The following ACSM2A variants were observed in gnomAD, a reference collection of about 807,000 sequenced individuals.
ACSM2A encodes acyl-CoA synthetase medium chain family member 2A, also known as acyl-coenzyme A synthetase ACSM2A, mitochondrial.
ACSM2A carries 72 observed loss-of-function variants against 76.6 expected under a neutral mutation model. That is an observed-to-expected ratio of 0.94 (90% CI 0.78 to 1.14). The LOEUF is 1.14. ACSM2A is among the 50% of genes most tolerant of loss of function. The probability of loss-of-function intolerance (pLI) is 0.00; values close to 1 mark genes in which losing one functional copy is unlikely to be tolerated. For synonymous variants in ACSM2A, 249 were observed against 255.9 expected (o/e 0.97, Z 0.26); for missense variants, 684 against 708.5 (o/e 0.97, Z 0.39).
chr16:20,471,572 C>G lies in ACSM2A; in HGVS notation c.777C>G (p.Thr259=). Residue 259 remains threonine, a synonymous_variant, in exon 6 of 14, where the codon ACC becomes ACG. Transcript: ENST00000573854. Reference sequence around the variant, plus strand: ...TGCAAGCCTCTGATATAATGTGGACCATATCAGACACAGGTTGGATACTGA... The same window carrying G: ...TGCAAGCCTCTGATATAATGTGGACGATATCAGACACAGGTTGGATACTGA... ...TGLQASDIMW[T]ISDTGWILNI... 6.2e-7 allele frequency: 1 copy of G among 1,613,896 alleles called. No individual in the cohort carries two copies. Among genetic ancestry groups the G allele is most frequent in the Non-Finnish European group, 8.5e-7 (1 of 1,179,890 alleles).
At chr16:20,463,804 A>G (rs888579698) in intron 2 of ACSM2A, among the ~76,000 whole-genome samples, 12 of 152,204 alleles carry the variant, frequency 7.9e-5, no homozygotes, top group African/African-American at 2.9e-4. Context: ...TTCACTTGGC[A>G]TGTCTTCAAG....
At chr16:20,471,819 T>C in intron 6 of ACSM2A, 130 bp downstream of exon 6, 1 of 1,468,098 alleles carries the variant, frequency 6.8e-7, no homozygotes, top group Non-Finnish European at 9.1e-7. Context: ...CAGTGTTCAG[T>C]AAACGAGATG....
chr16:20,470,331 G>T (rs186179918), intron 4 of ACSM2A, among the ~76,000 whole-genome samples: 3 of 152,286 alleles, frequency 2.0e-5, no homozygotes, highest in East Asian at 1.9e-4. Context: ...CTCTAAGAGA[G>T]GCTGATCAAG....
chr16:20,482,467 G>A (rs561756466), intron 12 of ACSM2A: 1 of 152,306 alleles, frequency 6.6e-6, no homozygotes, highest in Non-Finnish European at 1.5e-5. Flanking sequence ...ATTAAGGTGG[G>A]ATGTGTGGAT....
At position 20,457,666 on chromosome 16, in the gene ACSM2A, T is replaced by C. The variant is rs191590932; in HGVS notation, c.-8-2441T>C. Among the ~76,000 whole-genome samples the C allele has an allele frequency of 8.9e-4, 135 of 152,136 alleles. 1 individual carries two copies. The highest frequency in any genetic ancestry group is 6.8e-3 in the Middle Eastern group (2 of 294). ...AAATCAGCATACCATGGATATACCT[T>C]AATGTAATAAAAGCCATCTATGATA... On this transcript the variant is annotated intron_variant, in intron 1 of 13. Transcript: ENST00000573854.
chr16:20,471,183 C>A lies in ACSM2A; in HGVS notation c.707C>A (p.Ser236Ter), dbSNP rs142316126. Residue 236 changes from serine to a stop codon, truncating the protein, a stop_gained, in exon 5 of 14, where the codon TCG (serine) becomes TAG (stop). Transcript: ENST00000573854. LOFTEE classifies it high-confidence loss of function. Reference sequence around the variant, plus strand: ...CCCAAGATGGCAGAACATTCCTACTCGAGCCTGGGCCTCAAGGCCAAGATG... The same window carrying A: ...CCCAAGATGGCAGAACATTCCTACTAGAGCCTGGGCCTCAAGGCCAAGATG... ...GLPKMAEHSY[S>*]SLGLKAKMDA... 6.2e-7 allele frequency: 1 copy of A among 1,611,548 alleles called. No individual in the cohort carries two copies. The highest frequency in any genetic ancestry group is 8.5e-7 in the Non-Finnish European group (1 of 1,178,314).
chr16:20,465,420 C>T (rs1159468130), intron 2 of ACSM2A, 97 bp from the exon 3 acceptor site: 1 of 1,491,644 alleles, frequency 6.7e-7, no homozygotes, highest in Non-Finnish European at 9.0e-7. Context: ...GATAAAAAAC[C>T]TTACTAAGCA....
At chr16:20,467,772 C>A (rs1483214481) in intron 3 of ACSM2A, among the ~76,000 whole-genome samples, 1 of 152,100 alleles carries the variant, frequency 6.6e-6, no homozygotes, top group Non-Finnish European at 1.5e-5. Context: ...GAAGTGATAA[C>A]AAGTTGGATT....
At chr16:20,475,847 G>A (rs2013708345) in intron 8 of ACSM2A, 74 bp downstream of exon 8, 1 of 1,597,700 alleles carries the variant, frequency 6.3e-7, no homozygotes, top group South Asian at 1.1e-5. Context: ...AATAAAAATT[G>A]TTAGCCACCA....
At chr16:20,457,595 C>A (rs906080094) in intron 1 of ACSM2A, among the ~76,000 whole-genome samples, 1 of 151,982 alleles carries the variant, frequency 6.6e-6, no homozygotes, top group African/African-American at 2.4e-5. Flanking sequence ...GTAGAAAAAG[C>A]ATTTGACAAA....
chr16:20,486,628 A>T lies in ACSM2A; in HGVS notation c.1684A>T (p.Lys562Ter). 1 of 1,614,198 alleles carries T rather than the reference A, an allele frequency of 6.2e-7. No individual in the cohort carries two copies. The highest frequency in any genetic ancestry group is 8.5e-7 in the Non-Finnish European group (1 of 1,180,016). ...KTVTGKIQRA[K>*]LRDKEWKMSG... ...TGTCACAGGGAAAATTCAACGAGCC[A>T]AGCTTCGAGACAAGGAGTGGAAGAT... The change falls in exon 14 of 14, where the codon AAG becomes TAG. Residue 562 changes from lysine to a stop codon, truncating the protein, a stop_gained. Transcript: ENST00000573854. LOFTEE classifies it high-confidence loss of function.
At position 20,471,189 on chromosome 16, in the gene ACSM2A, T is replaced by C; in HGVS notation, c.713T>C (p.Leu238Pro). ...PKMAEHSYSSLGLKAKMDAGW... is the reference protein window; with the variant it reads ...PKMAEHSYSSPGLKAKMDAGW... The stretch of plus-strand genomic sequence containing the variant: ...ATGGCAGAACATTCCTACTCGAGCC[T>C]GGGCCTCAAGGCCAAGATGGATGCT... Residue 238 changes from leucine (L) to proline (P), a missense_variant, in exon 5 of 14, where the codon CTG (leucine) becomes CCG (proline). By Grantham distance (98) the Leu-to-Pro change is moderately conservative (BLOSUM62 -3). Transcript: ENST00000573854. 1 of 1,611,352 alleles carries C rather than the reference T, an allele frequency of 6.2e-7. No homozygotes were observed. The highest frequency in any genetic ancestry group is 1.1e-5 in the South Asian group (1 of 90,828).
chr16:20,472,120 G>T (rs550047168), intron 6 of ACSM2A, among the ~76,000 whole-genome samples: 2 of 152,058 alleles, frequency 1.3e-5, no homozygotes, highest in African/African-American at 2.4e-5. Context: ...ACAAACTGAA[G>T]GTAAAGTACA....
At chr16:20,470,789 TAA>T in intron 4 of ACSM2A, 1 of 596,186 alleles carries the variant, frequency 1.7e-6, no homozygotes, top group Non-Finnish European at 3.1e-6. Context: ...GATAACTCTA[TAA>T]GACTTGATCT....
chr16:20,474,823 C>A (rs1474987764), intron 6 of ACSM2A, among the ~76,000 whole-genome samples: 1 of 152,176 alleles, frequency 6.6e-6, no homozygotes, highest in African/African-American at 2.4e-5. Flanking sequence ...CAGGACATGG[C>A]AAGTATTCAG....
intron 10 of ACSM2A, among the ~76,000 whole-genome samples, chr16:20,480,073 A>G (rs184711592): frequency 4.6e-4 from 70 of 152,350 alleles, no homozygotes; most frequent in Middle Eastern, 3.4e-3. Flanking sequence ...TTCATTGCTT[A>G]TAAGCAAGTG....
chr16:20,480,975 T>C, intron 12 of ACSM2A, 54 bp downstream of exon 12: 2 of 1,607,560 alleles, frequency 1.2e-6, no homozygotes, highest in Non-Finnish European at 8.5e-7. Context: ...AAGGGCAGTG[T>C]AGTATGATGG....
intron 3 of ACSM2A, among the ~76,000 whole-genome samples, chr16:20,468,035 G>A (rs2013121734): frequency 6.6e-6 from 1 of 152,048 alleles, no homozygotes; most frequent in African/African-American, 2.4e-5. Context: ...ATGCAGCCAG[G>A]AATTAGAAAC....
At chr16:20,477,746 T>G (rs1455891858) in intron 9 of ACSM2A, among the ~76,000 whole-genome samples, 2 of 152,182 alleles carry the variant, frequency 1.3e-5, no homozygotes, top group African/African-American at 2.4e-5. Context: ...AATCTTGACA[T>G]AATATTTTGT....
Sources: allele counts gnomAD v4.1 joint callset (sites outside exome capture counted in the v4.1 genomes callset), GRCh38; gene constraint gnomAD v4.1.1; transcripts MANE v1.5; gene names NCBI Gene and HGNC (gene_info 2026-07-23, HGNC 2026-07-21).